FNDC1: variants seen among roughly 807,000 people sequenced by gnomAD.
The protein encoded by FNDC1 is fibronectin type III domain containing 1, also known as fibronectin type III domain-containing protein 1.
Under a neutral mutation model 168.0 loss-of-function variants are expected in FNDC1, and 96 were observed. That is an observed-to-expected ratio of 0.57 (90% confidence interval 0.48 to 0.68). The LOEUF is 0.68. Ranked by LOEUF, FNDC1 falls within the 30% of genes least tolerant of loss-of-function variation. The pLI, the probability that FNDC1 is intolerant of heterozygous loss-of-function variation, is 0.00. For synonymous variants in FNDC1, 1,099 were observed against 1,025.9 expected (o/e 1.07, Z -1.36); for missense variants, 2,587 against 2,482.1 (o/e 1.04, Z -0.90).
rs1052034914 is a variant in FNDC1, at chr6:159,232,868, G to A, written c.2356G>A (p.Gly786Ser). The A allele has an allele frequency of 3.7e-6, 6 of 1,613,530 alleles. No homozygotes were observed. Among genetic ancestry groups the A allele is most frequent in the Non-Finnish European group, 5.1e-6 (6 of 1,179,894 alleles). Residue 786 changes from glycine to serine, a missense_variant, in exon 11 of 23, where the codon GGT becomes AGT. Gly to Ser is a moderately conservative substitution (Grantham distance 56). Coordinates refer to ENST00000297267, the MANE Select transcript of FNDC1 (RefSeq NM_032532.3). The surrounding 1 kb of genome is among the most constrained non-coding windows in gnomAD (Gnocchi z 4.9). ...CTCTGAGGGAGCGGAGGCTTCTGAT[G>A]GTGAAAGCCACGGTGACGGCGATAG... ...QVSEGAEASD[G>S]ESHGDGDRED...
At chr6:159,198,033 T>C (rs551661447) in intron 2 of FNDC1, among the ~76,000 whole-genome samples, 1 of 152,240 alleles carries the variant, frequency 6.6e-6, no homozygotes, top group African/African-American at 2.4e-5. Context: ...CCCCTGGAGA[T>C]GTGGAATACG....
At chr6:159,205,452 T>C (rs1043080687) in intron 4 of FNDC1, among the ~76,000 whole-genome samples, 2 of 152,206 alleles carry the variant, frequency 1.3e-5, no homozygotes, top group African/African-American at 4.8e-5. Context: ...CTCTCCAATC[T>C]GCTGATTCAA....
At chr6:159,266,269 T>C in intron 21 of FNDC1, 24 bp downstream of exon 21, 1 of 1,612,460 alleles carries the variant, frequency 6.2e-7, no homozygotes, top group South Asian at 1.1e-5. Flanking sequence ...CATGGTTGGC[T>C]ATGGGAGGTA....
intron 1 of FNDC1, among the ~76,000 whole-genome samples, chr6:159,191,570 A>G (rs182800360): frequency 1.3e-5 from 2 of 152,332 alleles, no homozygotes; most frequent in Admixed American, 6.5e-5. Flanking sequence ...TTTTAACTTC[A>G]TTATCTACAA....
At chr6:159,266,570 C>A (rs1158330895) in intron 21 of FNDC1, among the ~76,000 whole-genome samples, 5 of 152,012 alleles carry the variant, frequency 3.3e-5, no homozygotes, top group African/African-American at 1.2e-4. Flanking sequence ...CATGGTGAAA[C>A]CCATCTCTAC....
chr6:159,251,567 C>T (rs1777266371), intron 17 of FNDC1, 35 bp downstream of exon 17: 2 of 1,567,352 alleles, frequency 1.3e-6, no homozygotes, highest in Non-Finnish European at 1.7e-6. Flanking sequence ...TTCCCATGAT[C>T]TGTAGGTGGG....
chr6:159,226,176 G>T (rs761747200), intron 8 of FNDC1, among the ~76,000 whole-genome samples: 4 of 152,160 alleles, frequency 2.6e-5, no homozygotes, highest in Non-Finnish European at 5.9e-5. Flanking sequence ...TCATTAAGAA[G>T]AAGTTGGAAC....
intron 1 of FNDC1, among the ~76,000 whole-genome samples, chr6:159,174,316 A>G (rs750388929): frequency 3.0e-4 from 46 of 152,236 alleles, no homozygotes; most frequent in Non-Finnish European, 5.7e-4. Flanking sequence ...TCAGGGAGGT[A>G]TGTGAATTGG....
chr6:159,251,354 T>G lies in FNDC1; in HGVS notation c.4887T>G (p.Thr1629=). 1 of 1,614,038 alleles carries G rather than the reference T, an allele frequency of 6.2e-7. No individual in the cohort carries two copies. The highest frequency in any genetic ancestry group is 8.5e-7 in the Non-Finnish European group (1 of 1,179,898). The change falls in exon 17 of 23, where the codon ACT becomes ACG. Residue 1629 remains threonine, a synonymous_variant. Coordinates refer to ENST00000297267, the MANE Select transcript of FNDC1 (RefSeq NM_032532.3). Reference sequence around the variant, plus strand: ...ACCCATCAGCCCCGTGCTCTCTGACTGATGCACTGGATCACTTCCAAGTGG... The same window carrying G: ...ACCCATCAGCCCCGTGCTCTCTGACGGATGCACTGGATCACTTCCAAGTGG... The part of the protein sequence containing the change: ...NKDPSAPCSL[T]DALDHFQVDS...
chr6:159,188,926 A>G (rs574510886), intron 1 of FNDC1, among the ~76,000 whole-genome samples: 186 of 151,420 alleles, frequency 1.2e-3, no homozygotes, highest in African/African-American at 4.3e-3. Context: ...TAATTTTTGT[A>G]TTTTTAGTAG....
chr6:159,200,569 G>A lies in FNDC1; in HGVS notation c.448G>A (p.Glu150Lys), dbSNP rs760436536. 3 of 1,594,584 alleles carry A rather than the reference G, an allele frequency of 1.9e-6. No individual in the cohort carries two copies. In the East Asian group the frequency reaches 6.8e-5, roughly 36 times the overall value. ...CATTAAGGGTCCAGGACCATTTAAT[G>A]AAACCGTCACAGGTACTACTTCCTC... ...FPIKGPGPFN[E>K]TVTEKEVPNK... The change falls in exon 4 of 23, where the codon GAA becomes AAA. Residue 150 changes from glutamate (E) to lysine (K), a missense_variant. Glu to Lys is a moderately conservative substitution (Grantham distance 56). Coordinates refer to ENST00000297267, the MANE Select transcript of FNDC1 (RefSeq NM_032532.3).
In FNDC1 at chr6:159,232,069, G is replaced by T. The variant is rs760229017; in HGVS notation, c.1557G>T (p.Ala519=). Residue 519 remains alanine, a synonymous_variant, in exon 11 of 23, where the codon GCG becomes GCT. Coordinates refer to ENST00000297267, the MANE Select transcript of FNDC1 (RefSeq NM_032532.3). This position sits in a 1 kb window ranked among gnomAD's most constrained non-coding sequence, Gnocchi z 4.9. ...LKNKILANGG[A]PRKPQLRAKK... is the part of the protein sequence containing the mutation. ...ACAAAATATTGGCTAATGGTGGGGC[G>T]CCCCGAAAACCCCAGCTTCGCGCCA... 28 of 1,613,654 alleles carry T rather than the reference G, an allele frequency of 1.7e-5. No individual in the cohort carries two copies. The Middle Eastern group carries it at 8.2e-4, about 47-fold the overall frequency.
At chr6:159,269,453 C>T (rs111210734) in intron 22 of FNDC1, among the ~76,000 whole-genome samples, 23,019 of 125,360 alleles carry the variant, frequency 0.18, 2,855 homozygotes, top group East Asian at 0.41. Context: ...TCTACCTATT[C>T]ACATCTATCT....
In FNDC1 at chr6:159,229,902, A is replaced by C. The variant is rs200254016; in HGVS notation, c.1268A>C (p.Asp423Ala). 10 of 1,613,860 alleles carry C rather than the reference A, an allele frequency of 6.2e-6. No homozygotes were observed. Among genetic ancestry groups the C allele is most frequent in the Non-Finnish European group, 7.6e-6 (9 of 1,179,870 alleles). Residue 423 changes from aspartate (D) to alanine (A), a missense_variant, in exon 10 of 23, where the codon GAT becomes GCT. Coordinates refer to ENST00000297267, the MANE Select transcript of FNDC1 (RefSeq NM_032532.3). ...YPGDTTSALV[D>A]GLQPGERYLF... ...GGAGACACTACTTCTGCCCTGGTGGATGGTCTGCAGCCTGGGGAACGCTAT... is the reference window on the plus strand; with the variant it reads ...GGAGACACTACTTCTGCCCTGGTGGCTGGTCTGCAGCCTGGGGAACGCTAT...
At position 159,232,462 on chromosome 6, in the gene FNDC1, T is replaced by C. The variant is rs764507497; in HGVS notation, c.1950T>C (p.Asp650=). The change falls in exon 11 of 23, where the codon GAT becomes GAC. Residue 650 remains aspartate (D), a synonymous_variant. Transcript: ENST00000297267. The surrounding 1 kb of genome is among the most constrained non-coding windows in gnomAD (Gnocchi z 4.9). ...NDNDLVDSDE[D]ERAVGSLHPK... is the part of the protein sequence containing the mutation. ...ACGACTTGGTGGACTCAGACGAAGA[T>C]GAGCGCGCTGTGGGCTCCCTCCACC... 13 of 1,612,142 alleles carry C rather than the reference T, an allele frequency of 8.1e-6. No homozygotes were observed. The highest frequency in any genetic ancestry group is 1.1e-5 in the South Asian group (1 of 90,892).
intron 6 of FNDC1, 26 bp downstream of exon 6, chr6:159,221,722 C>T (rs748396380): frequency 6.5e-7 from 1 of 1,533,700 alleles, no homozygotes; most frequent in South Asian, 1.1e-5. Context: ...TGCATTTGGT[C>T]AAACCATAGT....
At position 159,234,174 on chromosome 6, in the gene FNDC1, A is replaced by T; in HGVS notation, c.3662A>T (p.Lys1221Met). Residue 1221 changes from lysine (K) to methionine (M), a missense_variant, in exon 11 of 23, where the codon AAG becomes ATG. Coordinates refer to ENST00000297267, the MANE Select transcript of FNDC1 (RefSeq NM_032532.3). ...AAAGACGCCGATGGGAGCCTCGCCA[A>T]GGAAGAGAGGGAGCCTGCCATCGCG... Reference protein sequence around the residue: ...GGKDADGSLAKEEREPAIALA... With the variant: ...GGKDADGSLAMEEREPAIALA... 6.3e-7 allele frequency: 1 copy of T among 1,599,634 alleles called. No homozygotes were observed. Among genetic ancestry groups the T allele is most frequent in the Non-Finnish European group, 8.5e-7 (1 of 1,173,492 alleles).
At chr6:159,185,617 G>A (rs1264515229) in intron 1 of FNDC1, among the ~76,000 whole-genome samples, 2 of 152,180 alleles carry the variant, frequency 1.3e-5, no homozygotes, top group African/African-American at 2.4e-5. Flanking sequence ...CATGTTTTAA[G>A]TTGGCAGCTG....
At chr6:159,269,029 T>C (rs199660526) in intron 22 of FNDC1, among the ~76,000 whole-genome samples, 29 of 107,500 alleles carry the variant, frequency 2.7e-4, no homozygotes, top group African/African-American at 6.2e-4. Flanking sequence ...CATCCATCCA[T>C]CCACCCACCT....
Sources: allele counts gnomAD v4.1 joint callset (sites outside exome capture counted in the v4.1 genomes callset), GRCh38; gene constraint gnomAD v4.1.1; non-coding constraint Gnocchi (gnomAD v3.1); transcripts MANE v1.5; gene names NCBI Gene and HGNC (gene_info 2026-07-23, HGNC 2026-07-21).